The following FHIT variants were observed in gnomAD, a reference collection of about 807,000 sequenced individuals.
FHIT encodes the protein bis(5'-adenosyl)-triphosphatase.
In FHIT, 19 loss-of-function variants were observed where a neutral mutation model predicts 17.9. That is an observed-to-expected ratio of 1.06 (90% confidence interval 0.74 to 1.56). The LOEUF is 1.56. Ranked by LOEUF, FHIT falls within the 40% of genes most tolerant of loss-of-function variation. The pLI is 0.00. For synonymous variants in FHIT, 81 were observed against 69.7 expected (o/e 1.16, Z -0.81); for missense variants, 248 against 189.2 (o/e 1.31, Z -1.82).
chr3:61,157,384 A>C (rs2037562862), intron 2 of FHIT, among the ~76,000 whole-genome samples: 1 of 152,152 alleles, frequency 6.6e-6, no homozygotes, highest in Non-Finnish European at 1.5e-5. Context: ...AGTATATATT[A>C]ATACCCAAGA....
intron 3 of FHIT, among the ~76,000 whole-genome samples, chr3:60,874,610 AAGG>A (rs531259310): frequency 7.9e-5 from 12 of 152,292 alleles, no homozygotes; most frequent in Non-Finnish European, 1.5e-4. Context: ...GGGACAGAAG[AAGG>A]AGACTATGCA....
intron 4 of FHIT, among the ~76,000 whole-genome samples, chr3:60,589,512 T>C (rs763037370): frequency 3.9e-5 from 6 of 152,082 alleles, no homozygotes; most frequent in Non-Finnish European, 8.8e-5. Context: ...ACCAGTTCAC[T>C]TTAATAAACA....
chr3:60,112,486 G>A (rs1008976538), intron 5 of FHIT, among the ~76,000 whole-genome samples: 2 of 152,116 alleles, frequency 1.3e-5, no homozygotes, highest in East Asian at 3.9e-4. Context: ...GCTGGAGAGT[G>A]GGCAGAAAAA....
intron 2 of FHIT, among the ~76,000 whole-genome samples, chr3:61,137,113 G>A (rs1281355642): frequency 1.3e-5 from 2 of 152,110 alleles, no homozygotes; most frequent in African/African-American, 2.4e-5. Context: ...TAGCTTACAG[G>A]CAAAGGTTCA....
chr3:60,546,827 C>T (rs372599204), intron 4 of FHIT, among the ~76,000 whole-genome samples: 2 of 152,122 alleles, frequency 1.3e-5, no homozygotes, highest in Non-Finnish European at 1.5e-5. Context: ...AAGCATGTCT[C>T]GTTGTCTGCC....
intron 2 of FHIT, among the ~76,000 whole-genome samples, chr3:61,044,094 C>T (rs2107698851): frequency 6.6e-6 from 1 of 152,326 alleles, no homozygotes; most frequent in African/African-American, 2.4e-5. Context: ...AGGAACGCAG[C>T]TGCTCGCCAG....
chr3:59,824,509 C>T (rs1700908933), intron 8 of FHIT, among the ~76,000 whole-genome samples: 1 of 152,208 alleles, frequency 6.6e-6, no homozygotes, highest in African/African-American at 2.4e-5. Context: ...AGGAACTAGG[C>T]CAGCCTTTGA....
chr3:60,067,810 C>A (rs182365754), intron 5 of FHIT, among the ~76,000 whole-genome samples: 2 of 152,324 alleles, frequency 1.3e-5, no homozygotes, highest in African/African-American at 4.8e-5. Flanking sequence ...TAAACCAGCA[C>A]GTTCTTGTCG....
intron 5 of FHIT, among the ~76,000 whole-genome samples, chr3:60,156,340 A>C (rs55851639): frequency 0.16 from 23,573 of 148,292 alleles, 2,410 homozygotes; most frequent in East Asian, 0.29. Flanking sequence ...ACAGAGTGAG[A>C]CTCTGTCTCA....
At chr3:60,568,358 C>A (rs1175940486) in intron 4 of FHIT, among the ~76,000 whole-genome samples, 1 of 151,772 alleles carries the variant, frequency 6.6e-6, no homozygotes, top group Non-Finnish European at 1.5e-5. Flanking sequence ...ATCACAAGGA[C>A]AAAAAACCAA....
At chr3:60,461,235 T>C (rs1263678306) in intron 5 of FHIT, among the ~76,000 whole-genome samples, 1 of 152,188 alleles carries the variant, frequency 6.6e-6, no homozygotes, top group Non-Finnish European at 1.5e-5. Context: ...TTGATTTTCC[T>C]TTTGATTAGA....
At chr3:60,815,620 G>C (rs1553737424) in intron 4 of FHIT, among the ~76,000 whole-genome samples, 1 of 152,036 alleles carries the variant, frequency 6.6e-6, no homozygotes, top group Admixed American at 6.6e-5. Context: ...TACTATACTG[G>C]TTTGGTTACT....
chr3:61,108,802 A>G (rs2036068086), intron 2 of FHIT, among the ~76,000 whole-genome samples: 1 of 152,216 alleles, frequency 6.6e-6, no homozygotes, highest in East Asian at 1.9e-4. Context: ...TAGCTAGGCT[A>G]TCAAATACTA....
intron 5 of FHIT, among the ~76,000 whole-genome samples, chr3:60,521,315 T>C (rs2035352580): frequency 6.6e-6 from 1 of 152,124 alleles, no homozygotes. Context: ...TGGCATGATC[T>C]CGGCTCACTG....
chr3:60,992,777 T>TA (rs2030348047), intron 3 of FHIT, among the ~76,000 whole-genome samples: 1 of 152,256 alleles, frequency 6.6e-6, no homozygotes, highest in Non-Finnish European at 1.5e-5. Context: ...ACTTCTTTTT[T>TA]GTTTTAGAAA....
At chr3:60,291,010 T>G (rs1297129781) in intron 5 of FHIT, among the ~76,000 whole-genome samples, 1 of 152,140 alleles carries the variant, frequency 6.6e-6, no homozygotes, top group East Asian at 1.9e-4. Flanking sequence ...CTTTGTGGAT[T>G]AATTAATTAA....
At chr3:60,760,535 A>G (rs559689756) in intron 4 of FHIT, among the ~76,000 whole-genome samples, 1 of 152,338 alleles carries the variant, frequency 6.6e-6, no homozygotes, top group South Asian at 2.1e-4. Flanking sequence ...ATATGAATCC[A>G]CAAATCCTAC....
intron 2 of FHIT, among the ~76,000 whole-genome samples, chr3:61,070,184 G>A (rs13067855): frequency 0.47 from 71,662 of 152,056 alleles, 19,847 homozygotes; most frequent in Non-Finnish European, 0.64. Context: ...ATGAGCCGTC[G>A]TTCCTGACCA....
intron 2 of FHIT, among the ~76,000 whole-genome samples, chr3:61,155,281 C>G (rs2037503014): frequency 6.6e-6 from 1 of 152,076 alleles, no homozygotes. Context: ...TGGTGCTGAC[C>G]TTTGTAACTT....
Sources: gnomAD v4.1 joint callset for allele counts (sites outside exome capture counted in the v4.1 genomes callset) on GRCh38, gnomAD v4.1.1 for gene constraint, MANE v1.5 for transcripts, NCBI Gene and HGNC (gene_info 2026-07-23, HGNC 2026-07-21) for gene names.